STARD13: variants seen among roughly 807,000 people sequenced by gnomAD.
STARD13 encodes stAR-related lipid transfer protein 13.
Under a neutral mutation model 106.4 loss-of-function variants are expected in STARD13, and 62 were observed. That is an observed-to-expected ratio of 0.58 (90% CI 0.48 to 0.72). STARD13 has a LOEUF of 0.72. Ranked by LOEUF, STARD13 falls within the 30% of genes least tolerant of loss-of-function variation. The pLI is 0.00. For synonymous variants in STARD13, 565 were observed against 553.0 expected, an observed-to-expected ratio of 1.02 and a Z score of -0.31; for missense variants, 1,387 against 1,424.0, an observed-to-expected ratio of 0.97 and a Z score of 0.42.
chr13:33,539,480 C>A, the STARD13 span, among the ~76,000 whole-genome samples: 1 of 152,192 alleles, frequency 6.6e-6, no homozygotes, highest in Non-Finnish European at 1.5e-5. Context: ...CTTCCACTAT[C>A]TGATTTCAAG....
chr13:33,379,499 A>G, the STARD13 span, among the ~76,000 whole-genome samples: 1 of 152,214 alleles, frequency 6.6e-6, no homozygotes. Flanking sequence ...TTGACATTTA[A>G]TAGGACTTAG....
chr13:33,200,539 C>T (rs554407027), intron 1 of STARD13, among the ~76,000 whole-genome samples: 1 of 152,318 alleles, frequency 6.6e-6, no homozygotes. Flanking sequence ...CTGCTGCCAC[C>T]GACATTGCAT....
the STARD13 span, among the ~76,000 whole-genome samples, chr13:33,668,590 C>T: frequency 6.6e-6 from 1 of 152,198 alleles, no homozygotes; most frequent in Admixed American, 6.5e-5. Flanking sequence ...GAGGTAGTCT[C>T]TATGCCCAAG....
the STARD13 span, among the ~76,000 whole-genome samples, chr13:33,475,117 C>T: frequency 6.6e-6 from 1 of 152,018 alleles, no homozygotes; most frequent in Non-Finnish European, 1.5e-5. Context: ...GGGTCACTTC[C>T]ACTTAAGAAA....
chr13:33,398,923 T>C, the STARD13 span, among the ~76,000 whole-genome samples: 41 of 152,268 alleles, frequency 2.7e-4, 1 homozygote, highest in East Asian at 7.1e-3. Flanking sequence ...TGAAAACATA[T>C]ATCCATACAA....
chr13:33,364,812 C>G, the STARD13 span, among the ~76,000 whole-genome samples: 1 of 152,142 alleles, frequency 6.6e-6, no homozygotes, highest in Non-Finnish European at 1.5e-5. Context: ...TGGCGTGAAC[C>G]CGGGAGGCGG....
At chr13:33,565,156 A>G in the STARD13 span, among the ~76,000 whole-genome samples, 4 of 147,056 alleles carry the variant, frequency 2.7e-5, 2 homozygotes, top group East Asian at 4.1e-4. Flanking sequence ...TCACTTATAT[A>G]TGGGAGCTTA....
At chr13:33,168,012 T>C (rs1883534090) in intron 1 of STARD13, among the ~76,000 whole-genome samples, 1 of 151,862 alleles carries the variant, frequency 6.6e-6, no homozygotes, top group Admixed American at 6.6e-5. Flanking sequence ...TTTTTTTAAG[T>C]TCCAAAGATT....
At chr13:33,576,955 C>T in the STARD13 span, among the ~76,000 whole-genome samples, 3 of 152,026 alleles carry the variant, frequency 2.0e-5, no homozygotes, top group African/African-American at 7.2e-5. Context: ...TAATGACAGC[C>T]GAATGCACTG....
chr13:33,299,472 C>T (rs553411099), intron 1 of STARD13, among the ~76,000 whole-genome samples: 2 of 152,098 alleles, frequency 1.3e-5, no homozygotes, highest in Admixed American at 6.5e-5. Flanking sequence ...TTAAAAGGAA[C>T]TATTAAAGAC....
chr13:33,666,026 A>C, the STARD13 span, among the ~76,000 whole-genome samples: 2 of 152,232 alleles, frequency 1.3e-5, no homozygotes, highest in African/African-American at 4.8e-5. Flanking sequence ...CTGAAGAAAG[A>C]GAAGCTGCTG....
chr13:33,192,929 A>G (rs897098956), intron 1 of STARD13, among the ~76,000 whole-genome samples: 4 of 152,118 alleles, frequency 2.6e-5, no homozygotes, highest in African/African-American at 9.7e-5. Context: ...TTCCCATCTT[A>G]TGGAGGAAGA....
intron 1 of STARD13, among the ~76,000 whole-genome samples, chr13:33,242,284 A>T (rs1889563464): frequency 1.3e-5 from 2 of 152,214 alleles, no homozygotes; most frequent in Admixed American, 1.3e-4. Flanking sequence ...GGCCATGATG[A>T]CGAGGGCAGT....
chr13:33,432,482 CAACCTAAGCCT>C, the STARD13 span, among the ~76,000 whole-genome samples: 1 of 152,110 alleles, frequency 6.6e-6, no homozygotes, highest in East Asian at 1.9e-4. Flanking sequence ...CTTCACAAAA[CAACCTAAGCCT>C]ATAAGAAGTC....
At chr13:33,401,672 A>G in the STARD13 span, among the ~76,000 whole-genome samples, 13 of 152,100 alleles carry the variant, frequency 8.5e-5, no homozygotes, top group African/African-American at 3.1e-4. Context: ...ATCTCTTCCC[A>G]GCTCCCTCTC....
chr13:33,594,819 CATGTT>C, the STARD13 span, among the ~76,000 whole-genome samples: 4 of 152,150 alleles, frequency 2.6e-5, no homozygotes, highest in Admixed American at 2.6e-4. Flanking sequence ...AAGTTTCATC[CATGTT>C]ATGGCATATG....
intron 12 of STARD13, among the ~76,000 whole-genome samples, chr13:33,108,138 G>A (rs866190050): frequency 2.0e-5 from 3 of 152,220 alleles, no homozygotes; most frequent in Non-Finnish European, 4.4e-5. Flanking sequence ...CTCAGCGGAA[G>A]CTCCCGAGGA....
intron 1 of STARD13, among the ~76,000 whole-genome samples, chr13:33,262,647 C>G (rs944308906): frequency 7.7e-5 from 7 of 90,432 alleles, no homozygotes; most frequent in South Asian, 3.1e-4. Flanking sequence ...AACCCCCCCC[C>G]CCACACACAC....
At chr13:33,631,374 T>C in the STARD13 span, among the ~76,000 whole-genome samples, 2 of 152,376 alleles carry the variant, frequency 1.3e-5, no homozygotes, top group South Asian at 4.1e-4. Flanking sequence ...GGAGTATTCA[T>C]AAAATCAGGT....
Sources: gnomAD v4.1 joint callset for allele counts (sites outside exome capture counted in the v4.1 genomes callset) on GRCh38, gnomAD v4.1.1 for gene constraint, MANE v1.5 for transcripts, NCBI Gene and HGNC (gene_info 2026-07-23, HGNC 2026-07-21) for gene names.